Variants in SERPINB7 observed in about 807,000 individuals in gnomAD.
SERPINB7 encodes the protein serpin family B member 7, also known as serpin B7.
A neutral mutation model predicts 37.4 loss-of-function variants in SERPINB7; 31 were observed. The ratio of observed to expected loss-of-function variants is 0.83; its 90% confidence interval spans 0.62 to 1.12. The LOEUF (loss-of-function observed/expected upper bound fraction) is 1.12. SERPINB7 is among the 50% of genes most tolerant of loss of function. The pLI is 0.00. For synonymous variants in SERPINB7, 163 were observed against 166.1 expected, an observed-to-expected ratio of 0.98 and a Z score of 0.14; for missense variants, 521 against 455.3, an observed-to-expected ratio of 1.14 and a Z score of -1.31.
At position 63,783,228 on chromosome 18, in the gene SERPINB7, GAGAGAGAAAGAA is replaced by G. The variant is rs1363862246; in HGVS notation, c.168+692_168+703del. ...AGAGAGAGAGAGAGAGAGAGAGAGA[GAGAGAGAAAGAA>G]AGAAAGAAAGAAAGAAAGAAAGAAA... On this transcript the variant is annotated intron_variant, in intron 2 of 7. Coordinates refer to ENST00000398019, the MANE Select transcript of SERPINB7 (RefSeq NM_003784.4). Among the ~76,000 whole-genome samples, 263 of 47,120 alleles carry G rather than the reference GAGAGAGAAAGAA, an allele frequency of 5.6e-3. 1 individual carries two copies. Among genetic ancestry groups the G allele is most frequent in the Non-Finnish European group, 7.6e-3 (190 of 24,868 alleles). 30.9% of individuals were successfully genotyped at this position (47,120 alleles called of 152,430 possible).
intron 7 of SERPINB7, among the ~76,000 whole-genome samples, chr18:63,802,645 A>G (rs1004297682): frequency 2.6e-5 from 4 of 152,216 alleles, no homozygotes; most frequent in African/African-American, 9.6e-5. Context: ...GAAAAGTTAC[A>G]TACACTTAAA....
intron 1 of SERPINB7, chr18:63,777,946 A>AG (rs1280820531): frequency 4.6e-5 from 7 of 152,186 alleles, no homozygotes; most frequent in African/African-American, 1.5e-4. Context: ...AGAGAGAGAG[A>AG]AATAAATCTT....
chr18:63,784,150 C>A (rs1158766639), intron 2 of SERPINB7, among the ~76,000 whole-genome samples: 1 of 152,098 alleles, frequency 6.6e-6, no homozygotes. Flanking sequence ...GAATATTACC[C>A]TGATTTTATG....
At chr18:63,793,739 G>A (rs2049454298) in intron 4 of SERPINB7, among the ~76,000 whole-genome samples, 1 of 152,138 alleles carries the variant, frequency 6.6e-6, no homozygotes, top group African/African-American at 2.4e-5. Context: ...GGGCTCAAGT[G>A]ATCTTCTTTC....
chr18:63,791,094 C>T (rs2049422148), intron 2 of SERPINB7, among the ~76,000 whole-genome samples: 1 of 152,058 alleles, frequency 6.6e-6, no homozygotes, highest in Admixed American at 6.6e-5. Context: ...ACAATGAGAA[C>T]ATATGGACAC....
intron 2 of SERPINB7, among the ~76,000 whole-genome samples, chr18:63,786,144 C>CGTATATACATAT (rs1181124480): frequency 6.7e-5 from 6 of 89,980 alleles, no homozygotes; most frequent in Non-Finnish European, 1.2e-4. Flanking sequence ...TACATATATA[C>CGTATATACATAT]ACACACACAC....
rs552654971 is a variant in SERPINB7 at position 63,795,913 on chromosome 18, T to G, written c.337-353T>G. On this transcript the variant is annotated intron_variant, in intron 4 of 7. Coordinates refer to ENST00000398019, the MANE Select transcript of SERPINB7 (RefSeq NM_003784.4). ...TGCAATAATGTAGCCTTGAAAAATT[T>G]GCAGCAGGAAGGGATGACACAGGCA... Among the ~76,000 whole-genome samples the G allele has an allele frequency of 2.0e-5, 3 of 152,296 alleles. No individual in the cohort carries two copies. The East Asian group carries it at 5.8e-4, about 29-fold the overall frequency.
At chr18:63,774,567 G>A (rs17708576), upstream of SERPINB7, among the ~76,000 whole-genome samples, 45,731 of 151,438 alleles carry the variant, frequency 0.3, 8,821 homozygotes, top group Non-Finnish European at 0.43. Flanking sequence ...GCAACCAACT[G>A]GGCCCAACCT....
chr18:63,784,580 CATA>C (rs2144616904), intron 2 of SERPINB7, among the ~76,000 whole-genome samples: 1 of 152,140 alleles, frequency 6.6e-6, no homozygotes, highest in South Asian at 2.1e-4. Flanking sequence ...CATAAAAATG[CATA>C]ATGTTTCAGA....
intron 5 of SERPINB7, among the ~76,000 whole-genome samples, chr18:63,796,881 T>C (rs1381661919): frequency 6.6e-6 from 1 of 152,214 alleles, no homozygotes; most frequent in Non-Finnish European, 1.5e-5. Context: ...TGAATCTTAT[T>C]AAAGCTATAA....
intron 7 of SERPINB7, among the ~76,000 whole-genome samples, chr18:63,802,190 C>T (rs544562709): frequency 1.3e-5 from 2 of 152,290 alleles, no homozygotes; most frequent in East Asian, 3.9e-4. Context: ...AAGTGAAAAG[C>T]ACAGTTTAGG....
intron 1 of SERPINB7, among the ~76,000 whole-genome samples, chr18:63,763,329 G>A (rs2049164519): frequency 6.6e-6 from 1 of 152,144 alleles, no homozygotes; most frequent in Admixed American, 6.5e-5. Flanking sequence ...CGTCCAGAAA[G>A]TAATTTAGTT....
rs189999403 is a variant in SERPINB7 at position 63,776,348 on chromosome 18, G to A, written c.-19+632G>A. On this transcript the variant is annotated intron_variant, in intron 1 of 7. Transcript: ENST00000398019. ...AGGGGTAACTAAAGCAGTTATATCC[G>A]TGGCTTAGTCTATCCACCCATGTAA... Among the ~76,000 whole-genome samples the A allele has an allele frequency of 3.2e-4, 48 of 151,990 alleles. No individual in the cohort carries two copies. In the East Asian group the frequency reaches 7.6e-3, roughly 24 times the overall value.
At chr18:63,783,106 C>A (rs531568057) in intron 2 of SERPINB7, among the ~76,000 whole-genome samples, 1 of 151,144 alleles carries the variant, frequency 6.6e-6, no homozygotes, top group South Asian at 2.1e-4. Context: ...CTACTGCAGT[C>A]CAGCCTGGGC....
Position 63,782,601 on chromosome 18 carries a change from C to T in SERPINB7, c.168+61C>T. 4.1e-6 allele frequency: 6 copies of T among 1,478,378 alleles called. No individual in the cohort carries two copies. The South Asian group carries it at 5.4e-5, about 13-fold the overall frequency. The allele number at this position is 1,478,378 out of a possible 1,614,324, so 91.6% of individuals were successfully genotyped here. On this transcript the variant is annotated intron_variant, in intron 2 of 7. Coordinates refer to ENST00000398019, the MANE Select transcript of SERPINB7 (RefSeq NM_003784.4). ...AATTGTTTTTCCCACGAGAACATTT[C>T]GTTGCAATGGTCCCCATGTTAATGG... is the stretch of plus-strand genomic sequence containing the variant.
chr18:63,792,573 G>A, intron 3 of SERPINB7, 130 bp downstream of exon 3: 1 of 589,768 alleles, frequency 1.7e-6, no homozygotes, highest in South Asian at 2.2e-5. Context: ...GACCAGCCTG[G>A]GCAACATGGC....
chr18:63,798,589 T>A lies in SERPINB7; in HGVS notation c.455-15T>A. The A allele has an allele frequency of 7.0e-7, 1 of 1,432,940 alleles. No individual in the cohort carries two copies. 88.8% of individuals were successfully genotyped at this position (1,432,940 alleles called of 1,614,324 possible). ...ATTAAAATAAACATTTTTCCCTCAA[T>A]TTTTTTTTCAAAAGGCAAAATCAAG... On this transcript the variant is annotated splice_polypyrimidine_tract_variant and intron_variant, in intron 5 of 7. Coordinates refer to ENST00000398019, the MANE Select transcript of SERPINB7 (RefSeq NM_003784.4).
At chr18:63,763,012 G>A (rs1272639805) in intron 1 of SERPINB7, among the ~76,000 whole-genome samples, 2 of 152,238 alleles carry the variant, frequency 1.3e-5, no homozygotes, top group Admixed American at 1.3e-4. Flanking sequence ...GATTACCTCA[G>A]TAAAAGGGGG....
intron 1 of SERPINB7, among the ~76,000 whole-genome samples, chr18:63,780,109 A>C (rs1156354679): frequency 6.6e-6 from 1 of 152,174 alleles, no homozygotes; most frequent in South Asian, 2.1e-4. Context: ...ATCTTCTATT[A>C]AATATATTTT....
Sources: allele counts gnomAD v4.1 joint callset (sites outside exome capture counted in the v4.1 genomes callset), GRCh38; gene constraint gnomAD v4.1.1; transcripts MANE v1.5; gene names NCBI Gene and HGNC (gene_info 2026-07-23, HGNC 2026-07-21).